The following MYRIP variants were observed in gnomAD, a reference collection of about 807,000 sequenced individuals.
MYRIP encodes the protein rab effector MyRIP.
Under a neutral mutation model 98.0 loss-of-function variants are expected in MYRIP, and 49 were observed. The observed-to-expected ratio is 0.50, with a 90% CI of 0.40 to 0.63. MYRIP has a LOEUF of 0.63. MYRIP is among the 30% of genes least tolerant of loss of function. The probability of loss-of-function intolerance (pLI) is 0.00; values close to 1 mark genes in which losing one functional copy is unlikely to be tolerated. For missense variants in MYRIP, 1,004 were observed against 1,058.2 expected (o/e 0.95, Z 0.71); for synonymous variants, 404 against 409.5 (o/e 0.99, Z 0.16).
intron 3 of MYRIP, among the ~76,000 whole-genome samples, chr3:40,051,729 G>T: frequency 6.6e-6 from 1 of 151,948 alleles, no homozygotes; most frequent in East Asian, 1.9e-4. Context: ...CATTTGCTTT[G>T]GTTTTTCTAA....
intron 10 of MYRIP, among the ~76,000 whole-genome samples, chr3:40,202,469 C>T (rs951259816): frequency 2.0e-5 from 3 of 152,124 alleles, no homozygotes; most frequent in African/African-American, 7.2e-5. Context: ...ACACAGTGTT[C>T]TAAGGAAATC....
intron 1 of MYRIP, among the ~76,000 whole-genome samples, chr3:39,844,687 C>T (rs1377750481): frequency 2.0e-5 from 3 of 152,164 alleles, no homozygotes; most frequent in South Asian, 2.1e-4. Context: ...AGGTTCAATG[C>T]CAGGGCCTTG....
intron 1 of MYRIP, among the ~76,000 whole-genome samples, chr3:39,867,167 A>G (rs924903097): frequency 2.6e-5 from 4 of 152,220 alleles, no homozygotes; most frequent in Non-Finnish European, 5.9e-5. Context: ...CACTACTTGG[A>G]AAAATTAACT....
At chr3:40,001,057 T>C (rs943563025) in intron 2 of MYRIP, among the ~76,000 whole-genome samples, 1 of 152,212 alleles carries the variant, frequency 6.6e-6, no homozygotes, top group Non-Finnish European at 1.5e-5. Flanking sequence ...CAGCTGAACA[T>C]TTTTTGATAT....
chr3:40,242,481 C>CTT (rs1305018495), intron 12 of MYRIP: 1 of 141,310 alleles, frequency 7.1e-6, no homozygotes, highest in East Asian at 2.0e-4. Flanking sequence ...TTTCATCTTG[C>CTT]TTTGTCTTGG....
At chr3:39,843,821 C>G (rs1362023011) in intron 1 of MYRIP, among the ~76,000 whole-genome samples, 1 of 152,300 alleles carries the variant, frequency 6.6e-6, no homozygotes, top group Middle Eastern at 3.4e-3. Context: ...GCCCTCTACA[C>G]CCAATAGTGC....
rs1255861156 is a variant in MYRIP, at chr3:40,040,988, AAAAAAG to A, written c.111-3056_111-3051del. Among the ~76,000 whole-genome samples the A allele has an allele frequency of 2.0e-3, 116 of 58,350 alleles. 2 individuals carry two copies. Among genetic ancestry groups the A allele is most frequent in the Non-Finnish European group, 3.4e-3 (85 of 24,720 alleles). 38.3% of individuals were successfully genotyped at this position (58,350 alleles called of 152,430 possible). ...CTAAAACTTAGAGTATAATAAAAAAAAAAAAGAAAAAAAAAAAGAAAATATTACCAG... is the reference window on the plus strand; with the variant it reads ...CTAAAACTTAGAGTATAATAAAAAAAAAAAAAAAAAAGAAAATATTACCAG... On this transcript the variant is annotated intron_variant, in intron 2 of 16. Transcript: ENST00000302541.
At chr3:40,234,299 A>G (rs560308928) in intron 12 of MYRIP, among the ~76,000 whole-genome samples, 2 of 152,298 alleles carry the variant, frequency 1.3e-5, no homozygotes, top group African/African-American at 4.8e-5. Flanking sequence ...GGAATGGGGA[A>G]AGTAAGGGAA....
intron 8 of MYRIP, chr3:40,173,840 C>T (rs573226831): frequency 4.9e-4 from 75 of 152,356 alleles, no homozygotes; most frequent in African/African-American, 1.8e-3. Flanking sequence ...AAAAATCTGT[C>T]TTGCCAAACA....
intron 10 of MYRIP, among the ~76,000 whole-genome samples, chr3:40,201,120 C>T (rs1256678556): frequency 6.6e-6 from 1 of 152,114 alleles, no homozygotes; most frequent in Admixed American, 6.6e-5. Context: ...TCGCCAAGGT[C>T]TGATTGCAAA....
intron 1 of MYRIP, among the ~76,000 whole-genome samples, chr3:39,889,675 A>G (rs201496348): frequency 3.3e-5 from 5 of 152,350 alleles, no homozygotes; most frequent in Middle Eastern, 3.4e-3. Flanking sequence ...AACTTAAAGT[A>G]TAATAATAAT....
chr3:39,930,687 G>T (rs1167081404), intron 2 of MYRIP, among the ~76,000 whole-genome samples: 2 of 151,850 alleles, frequency 1.3e-5, no homozygotes, highest in Admixed American at 6.6e-5. Flanking sequence ...GGTCCATTTT[G>T]ATTTAATTTT....
At chr3:40,219,609 T>G (rs1227718062) in intron 11 of MYRIP, among the ~76,000 whole-genome samples, 3 of 152,128 alleles carry the variant, frequency 2.0e-5, no homozygotes, top group African/African-American at 7.2e-5. Flanking sequence ...CTTGCGATAG[T>G]TTGCTCAGAA....
chr3:39,948,497 CAAAG>C (rs1312868209), intron 2 of MYRIP, among the ~76,000 whole-genome samples: 2 of 151,878 alleles, frequency 1.3e-5, no homozygotes, highest in African/African-American at 2.4e-5. Context: ...AATTTAAAAA[CAAAG>C]AACTCATTAA....
chr3:40,045,602 C>T (rs756413939), intron 3 of MYRIP, among the ~76,000 whole-genome samples: 18 of 152,232 alleles, frequency 1.2e-4, no homozygotes, highest in South Asian at 2.1e-4. Flanking sequence ...TTAAGGATTA[C>T]GTGACTTGAA....
At chr3:40,121,861 A>G (rs1375490491) in intron 3 of MYRIP, among the ~76,000 whole-genome samples, 1 of 152,240 alleles carries the variant, frequency 6.6e-6, no homozygotes, top group Non-Finnish European at 1.5e-5. Flanking sequence ...ATGCTGAGCC[A>G]TATTAGAGAC....
intron 2 of MYRIP, among the ~76,000 whole-genome samples, chr3:39,901,429 A>G (rs1045222187): frequency 2.6e-5 from 4 of 152,198 alleles, no homozygotes; most frequent in South Asian, 4.1e-4. Flanking sequence ...CTCATTTTAT[A>G]GAAGAGGAAA....
intron 6 of MYRIP, 82 bp downstream of exon 6, chr3:40,167,025 A>T: frequency 7.3e-7 from 1 of 1,375,606 alleles, no homozygotes; most frequent in East Asian, 2.3e-5. Flanking sequence ...GGTTGTCAGG[A>T]AATCAATGTC....
At chr3:40,083,092 C>T (rs1352752606) in intron 3 of MYRIP, among the ~76,000 whole-genome samples, 2 of 152,226 alleles carry the variant, frequency 1.3e-5, no homozygotes, top group African/African-American at 4.8e-5. Context: ...TCATTCAACA[C>T]CTATTTAATG....
Sources: allele counts gnomAD v4.1 joint callset (sites outside exome capture counted in the v4.1 genomes callset), GRCh38; gene constraint gnomAD v4.1.1; transcripts MANE v1.5; gene names NCBI Gene and HGNC (gene_info 2026-07-23, HGNC 2026-07-21).